CFAP45: variants seen among roughly 807,000 people sequenced by gnomAD.
The protein encoded by CFAP45 is cilia and flagella associated protein 45.
A neutral mutation model predicts 75.6 loss-of-function variants in CFAP45; 43 were observed. That is an observed-to-expected ratio of 0.57 (90% CI 0.45 to 0.73). The LOEUF is 0.73. CFAP45 is among the 30% of genes least tolerant of loss of function. The probability of loss-of-function intolerance (pLI) is 0.00; values close to 1 mark genes in which losing one functional copy is unlikely to be tolerated. For missense variants in CFAP45, 689 were observed against 701.5 expected (o/e 0.98, Z 0.20); for synonymous variants, 223 against 244.6 (o/e 0.91, Z 0.82).
chr1:159,886,599 G>T lies in CFAP45; in HGVS notation c.679C>A (p.Arg227=), dbSNP rs748751238. ...IQKELDTEEK[R]LDQMMEVERQ... is the part of the protein sequence containing the mutation. ...TCCACTTCCATCATCTGATCCAACC[G>T]CTTCTCTTCTGTGTCCAGTTCTTTT... The change falls in exon 6 of 12, where the codon CGG becomes AGG. Residue 227 remains arginine (R), a synonymous_variant. Transcript: ENST00000368099. The T allele has an allele frequency of 7.4e-6, 12 of 1,613,914 alleles. No homozygotes were observed. Among genetic ancestry groups the T allele is most frequent in the Non-Finnish European group, 1.0e-5 (12 of 1,179,894 alleles).
At chr1:159,879,748 C>G (rs1225248232) in intron 8 of CFAP45, among the ~76,000 whole-genome samples, 2 of 152,154 alleles carry the variant, frequency 1.3e-5, no homozygotes, top group Admixed American at 1.3e-4. Context: ...CACACCCTCC[C>G]CCTGGCCTTC....
At chr1:159,875,319 G>T (rs187171464) in intron 10 of CFAP45, among the ~76,000 whole-genome samples, 2 of 152,216 alleles carry the variant, frequency 1.3e-5, no homozygotes, top group Admixed American at 1.3e-4. Context: ...TAGCCCAAGG[G>T]CAGAATCTTG....
intron 1 of CFAP45, among the ~76,000 whole-genome samples, chr1:159,897,830 G>A (rs897818349): frequency 1.3e-5 from 2 of 150,858 alleles, no homozygotes; most frequent in South Asian, 2.1e-4. Flanking sequence ...CCTGGTGCCC[G>A]AACTCTGAAA....
At chr1:159,879,737 TC>T (rs1311138971) in intron 8 of CFAP45, among the ~76,000 whole-genome samples, 1 of 152,174 alleles carries the variant, frequency 6.6e-6, no homozygotes, top group Non-Finnish European at 1.5e-5. Flanking sequence ...CAAATTATAC[TC>T]ACACCCTCCC....
intron 2 of CFAP45, among the ~76,000 whole-genome samples, chr1:159,892,875 T>C (rs776402565): frequency 2.0e-5 from 3 of 152,228 alleles, no homozygotes; most frequent in Non-Finnish European, 4.4e-5. Context: ...AATGTTTCCA[T>C]CATGGAGCTC....
At chr1:159,886,996 C>T (rs1264309051) in intron 5 of CFAP45, among the ~76,000 whole-genome samples, 2 of 152,092 alleles carry the variant, frequency 1.3e-5, no homozygotes, top group African/African-American at 2.4e-5. Context: ...ATGAAAGCAA[C>T]GGCCCTCTCC....
At chr1:159,877,237 C>T in intron 9 of CFAP45, 112 bp downstream of exon 9, 1 of 819,090 alleles carries the variant, frequency 1.2e-6, no homozygotes, top group Non-Finnish European at 2.2e-6. Flanking sequence ...GTCTAGGTAA[C>T]TTGCATCCTT....
intron 2 of CFAP45, among the ~76,000 whole-genome samples, chr1:159,891,363 AC>A (rs1191840098): frequency 6.6e-6 from 1 of 151,886 alleles, no homozygotes; most frequent in Non-Finnish European, 1.5e-5. Context: ...AATTACTTTA[AC>A]CCCCACAAAA....
rs1442980876 is a variant in CFAP45 at position 159,873,153 on chromosome 1, C to G, written c.1368G>C (p.Gln456His). ...FERILRAQRE[Q>H]IEKERLEEEK... ...CCTCCTCCAGCCGCTCCTTCTCAAT[C>G]TGTTCTCTCTGAGCCCTGGGGGAGG... Residue 456 changes from glutamine (Q) to histidine (H), a missense_variant, in exon 11 of 12, where the codon CAG (glutamine) becomes CAC (histidine). Coordinates refer to ENST00000368099, the MANE Select transcript of CFAP45 (RefSeq NM_012337.3). The G allele has an allele frequency of 1.9e-6, 3 of 1,613,686 alleles. No individual in the cohort carries two copies. The highest frequency in any genetic ancestry group is 2.5e-6 in the Non-Finnish European group (3 of 1,179,978).
chr1:159,873,020 G>A lies in CFAP45; in HGVS notation c.1501C>T (p.Arg501Trp), dbSNP rs779941278. ...QNRIATFEEG[R>W]RLKEEAQKRR... is the part of the protein sequence containing the mutation. Reference sequence around the variant, plus strand: ...TTCTGGGCCTCCTCTTTGAGGCGCCGGCCCTCCTCAAAGGTGGCAATCCGG... The same window carrying A: ...TTCTGGGCCTCCTCTTTGAGGCGCCAGCCCTCCTCAAAGGTGGCAATCCGG... The change falls in exon 11 of 12, where the codon CGG becomes TGG. Residue 501 changes from arginine (R) to tryptophan (W), a missense_variant. By Grantham distance (101) the Arg-to-Trp change is moderately radical (BLOSUM62 -3). Transcript: ENST00000368099. 1.4e-5 allele frequency: 22 copies of A among 1,614,074 alleles called. No homozygotes were observed. The highest frequency in any genetic ancestry group is 2.2e-5 in the South Asian group (2 of 91,090).
rs112763754 is a variant in CFAP45 at position 159,875,163 on chromosome 1, T to A, written c.1352+1393A>T. On this transcript the variant is annotated intron_variant, in intron 10 of 11. Transcript: ENST00000368099. Reference sequence around the variant, plus strand: ...TAGTGCATATGCTTCAGGCAAATGATGCAAAGGAAAGATAAATGGGTCGGC... The same window carrying A: ...TAGTGCATATGCTTCAGGCAAATGAAGCAAAGGAAAGATAAATGGGTCGGC... 1.9e-3 allele frequency among the ~76,000 whole-genome samples: 284 copies of A among 152,380 alleles called. 3 individuals carry two copies. The highest frequency in any genetic ancestry group is 5.9e-3 in the African/African-American group (246 of 41,592).
Position 159,877,331 on chromosome 1 carries a change from T to G in CFAP45, c.1158+18A>C, listed in dbSNP as rs761525231. 6.5e-7 allele frequency: 1 copy of G among 1,537,544 alleles called. No homozygotes were observed. The highest frequency in any genetic ancestry group is 2.2e-5 in the East Asian group (1 of 44,520). Reference sequence around the variant, plus strand: ...AGGGAGTGGGAAAAGTAGAGGGAAGTCGAGACTAAGCAGGTACCTGTTCTG... The same window carrying G: ...AGGGAGTGGGAAAAGTAGAGGGAAGGCGAGACTAAGCAGGTACCTGTTCTG... On this transcript the variant is annotated intron_variant, in intron 9 of 11. Coordinates refer to ENST00000368099, the MANE Select transcript of CFAP45 (RefSeq NM_012337.3).
At chr1:159,895,726 G>C (rs1177317151) in intron 1 of CFAP45, among the ~76,000 whole-genome samples, 1 of 152,210 alleles carries the variant, frequency 6.6e-6, no homozygotes, top group Non-Finnish European at 1.5e-5. Context: ...ATGGTAGGTG[G>C]TGAGCTACGG....
At chr1:159,873,419 G>T in intron 10 of CFAP45, 1 of 555,522 alleles carries the variant, frequency 1.8e-6, no homozygotes, top group Non-Finnish European at 3.2e-6. Flanking sequence ...ATGCTTAGAA[G>T]GGCCCCCAGC....
intron 1 of CFAP45, among the ~76,000 whole-genome samples, chr1:159,899,109 C>G (rs1650013623): frequency 6.6e-6 from 1 of 152,122 alleles, no homozygotes; most frequent in African/African-American, 2.4e-5. Context: ...CCCTCTGGGA[C>G]CAACACACTC....
chr1:159,889,900 T>C (rs568354317), intron 3 of CFAP45, among the ~76,000 whole-genome samples: 1 of 152,198 alleles, frequency 6.6e-6, no homozygotes. Flanking sequence ...GAGCACAGTG[T>C]TGGCTCATGG....
At chr1:159,896,023 G>C (rs965330918) in intron 1 of CFAP45, among the ~76,000 whole-genome samples, 3 of 152,256 alleles carry the variant, frequency 2.0e-5, no homozygotes, top group African/African-American at 7.2e-5. Context: ...CTGACTCCAA[G>C]TCACTCCACC....
Position 159,878,275 on chromosome 1 carries a change from C to A in CFAP45, c.1045-813G>T, listed in dbSNP as rs763864970. On this transcript the variant is annotated intron_variant, in intron 8 of 11. Transcript: ENST00000368099. ...ATTAGTCCCTGGGCAAAGAGCCAAC[C>A]ATGCTTTGGGCAGTCCCACAGTGGT... Among the ~76,000 whole-genome samples the A allele has an allele frequency of 9.2e-5, 14 of 152,198 alleles. 1 individual carries two copies. Among genetic ancestry groups the A allele is most frequent in the Non-Finnish European group, 1.5e-4 (10 of 68,036 alleles).
chr1:159,874,261 G>C (rs1649350184), intron 10 of CFAP45, among the ~76,000 whole-genome samples: 1 of 152,086 alleles, frequency 6.6e-6, no homozygotes, highest in African/African-American at 2.4e-5. Flanking sequence ...TCCTCCCCTA[G>C]AGTCACCGAT....
Sources: allele counts gnomAD v4.1 joint callset (sites outside exome capture counted in the v4.1 genomes callset), GRCh38; gene constraint gnomAD v4.1.1; transcripts MANE v1.5; gene names NCBI Gene and HGNC (gene_info 2026-07-23, HGNC 2026-07-21).